SMG1: variants seen among roughly 807,000 people sequenced by gnomAD.
SMG1 encodes the protein SMG1 nonsense mediated mRNA decay associated PI3K related kinase, also known as serine/threonine-protein kinase SMG1.
A neutral mutation model predicts 419.9 loss-of-function variants in SMG1; 22 were observed. That is an observed-to-expected ratio of 0.05 (90% CI 0.04 to 0.07). SMG1 has a LOEUF of 0.07. Among genes scored for constraint, SMG1 ranks in the 10% least tolerant of loss-of-function variants. The pLI, the probability that SMG1 is intolerant of heterozygous loss-of-function variation, is 1.00. For missense variants in SMG1, 3,185 were observed against 4,342.0 expected, an observed-to-expected ratio of 0.73 and a Z score of 7.49; for synonymous variants, 1,538 against 1,553.5, an observed-to-expected ratio of 0.99 and a Z score of 0.23.
At chr16:18,887,672 T>A (rs9635475) in intron 6 of SMG1, among the ~76,000 whole-genome samples, 12 of 65,686 alleles carry the variant, frequency 1.8e-4, no homozygotes, top group South Asian at 5.4e-4. Context: ...ACTTTTTATT[T>A]AAAAAAAAAA....
In SMG1 at chr16:18,876,291, C is replaced by A; in HGVS notation, c.1723G>T (p.Ala575Ser). The A allele has an allele frequency of 6.2e-7, 1 of 1,611,672 alleles. No individual in the cohort carries two copies. Among genetic ancestry groups the A allele is most frequent in the South Asian group, 1.1e-5 (1 of 90,982 alleles). The change falls in exon 13 of 63, where the codon GCC becomes TCC. Residue 575 changes from alanine (A) to serine (S), a missense_variant. This residue lies in a region of SMG1 where 297 missense variants were observed against 491.0 expected (regional missense o/e 0.60). Transcript: ENST00000446231. ...YKLILGEMTC[A>S]LNNLLHSLQL... is the part of the protein sequence containing the mutation. ...AGACTGTGTAGGAGGTTGTTTAGGG[C>A]ACAAGTCATTTCTCCCAATATTAAC... is the stretch of plus-strand genomic sequence containing the variant.
At chr16:18,921,314 C>G (rs559988011) in intron 1 of SMG1, among the ~76,000 whole-genome samples, 2 of 151,900 alleles carry the variant, frequency 1.3e-5, no homozygotes, top group Non-Finnish European at 2.9e-5. Context: ...CCACTGCACT[C>G]CAGCCTGGAC....
At chr16:18,913,831 G>T (rs2037874158) in intron 1 of SMG1, among the ~76,000 whole-genome samples, 1 of 151,944 alleles carries the variant, frequency 6.6e-6, no homozygotes, top group South Asian at 2.1e-4. Flanking sequence ...GCATAACTTA[G>T]GAAGTTCGGT....
intron 4 of SMG1, 148 bp downstream of exon 4, chr16:18,892,067 TAAG>T: frequency 1.6e-6 from 1 of 622,136 alleles, no homozygotes; most frequent in Middle Eastern, 4.6e-4. Context: ...ATCTTGTCTT[TAAG>T]AAGAAAAAGA....
intron 54 of SMG1, 119 bp from the exon 55 acceptor site, chr16:18,828,287 G>A (rs2032902286): frequency 1.1e-6 from 1 of 911,630 alleles, no homozygotes; most frequent in Non-Finnish European, 1.6e-6. Context: ...TGCAGCCAAT[G>A]GGAGGTAAGC....
In SMG1 at chr16:18,850,080, A is replaced by G; in HGVS notation, c.5330T>C (p.Val1777Ala). Residue 1777 changes from valine (V) to alanine (A), a missense_variant, in exon 35 of 63, where the codon GTG becomes GCG. Val to Ala is a moderately conservative substitution (Grantham distance 64, BLOSUM62 0). Around this residue, in one of 27 missense-constraint regions of SMG1, gnomAD observed 493 missense variants for 552.9 expected, o/e 0.89. Transcript: ENST00000446231. The part of the protein sequence containing the change: ...DDPRLHLSHR[V>A]EQSTDDMIVM... The stretch of plus-strand genomic sequence containing the variant: ...AATCATGTCATCAGTGCTCTGTTCC[A>G]CTCTGTGACTTAAATGCAGCCTAGG... 6.2e-7 allele frequency: 1 copy of G among 1,613,938 alleles called. No individual in the cohort carries two copies. The highest frequency in any genetic ancestry group is 8.5e-7 in the Non-Finnish European group (1 of 1,179,874).
chr16:18,852,403 C>T lies in SMG1; in HGVS notation c.4828G>A (p.Val1610Ile), dbSNP rs2034652739. The change falls in exon 32 of 63, where the codon GTA becomes ATA. Residue 1610 changes from valine to isoleucine, a missense_variant. Physicochemically the swap from Val to Ile is conservative, Grantham distance 29. This residue lies in a region of SMG1 where 493 missense variants were observed against 552.9 expected (regional missense o/e 0.89). Transcript: ENST00000446231. The part of the protein sequence containing the change: ...ILGQLYHLSS[V>I]QAPEVAKSWA... ...GATTTGGCTACTTCAGGTGCCTGTA[C>T]TGAAGACAGGTGATACAACTGTCCC... 6.2e-7 allele frequency: 1 copy of T among 1,613,358 alleles called. No homozygotes were observed. The highest frequency in any genetic ancestry group is 8.5e-7 in the Non-Finnish European group (1 of 1,179,624).
intron 2 of SMG1, 121 bp from the exon 3 acceptor site, chr16:18,896,328 T>C (rs12930220): frequency 0.34 from 284,702 of 839,558 alleles, 51,236 homozygotes; most frequent in Non-Finnish European, 0.38. Context: ...TTCTCCTACC[T>C]TTTTCCTGTA....
At position 18,850,400 on chromosome 16, in the gene SMG1, A is replaced by G. The variant is rs2034522788; in HGVS notation, c.5120T>C (p.Ile1707Thr). 2.5e-6 allele frequency: 4 copies of G among 1,613,966 alleles called. No homozygotes were observed. The highest frequency in any genetic ancestry group is 3.4e-6 in the Non-Finnish European group (4 of 1,179,884). Reference sequence around the variant, plus strand: ...GCAGCTTGATATCAACTGACGCCAGATAACATCAACCATGTCATCTTCTTC... The same window carrying G: ...GCAGCTTGATATCAACTGACGCCAGGTAACATCAACCATGTCATCTTCTTC... ...DNEEDDMVDV[I>T]WRQLISSCPW... Residue 1707 changes from isoleucine (I) to threonine (T), a missense_variant, in exon 34 of 63, where the codon ATC (isoleucine) becomes ACC (threonine). Transcript: ENST00000446231.
At chr16:18,860,031 A>C (rs1478649965) in intron 26 of SMG1, among the ~76,000 whole-genome samples, 1 of 152,212 alleles carries the variant, frequency 6.6e-6, no homozygotes, top group African/African-American at 2.4e-5. Context: ...AGCCTGGCCA[A>C]GATGGTGAAA....
In SMG1 at chr16:18,853,873, G is replaced by C. The variant is rs1319840646; in HGVS notation, c.4484-6C>G. 1 of 1,602,166 alleles carries C rather than the reference G, an allele frequency of 6.2e-7. No homozygotes were observed. Among genetic ancestry groups the C allele is most frequent in the African/African-American group, 1.3e-5 (1 of 74,648 alleles). On this transcript the variant is annotated splice_polypyrimidine_tract_variant and splice_region_variant and intron_variant, in intron 30 of 62. Coordinates refer to ENST00000446231, the MANE Select transcript of SMG1 (RefSeq NM_015092.5). ...CATTGCATGTGTTGACTGGCCTACAGAAAACCACAAAGTCAGAACTTAGAA... is the reference window on the plus strand; with the variant it reads ...CATTGCATGTGTTGACTGGCCTACACAAAACCACAAAGTCAGAACTTAGAA...
chr16:18,891,949 C>T (rs1467560410), intron 4 of SMG1, among the ~76,000 whole-genome samples: 2 of 152,136 alleles, frequency 1.3e-5, no homozygotes, highest in Non-Finnish European at 2.9e-5. Flanking sequence ...TGCCTGAAGT[C>T]CCAGCTACTC....
intron 60 of SMG1, among the ~76,000 whole-genome samples, chr16:18,813,581 G>C (rs2031685051): frequency 6.6e-6 from 1 of 152,168 alleles, no homozygotes; most frequent in African/African-American, 2.4e-5. Context: ...CAGATGAGTA[G>C]ATTGCAAAAA....
intron 1 of SMG1, among the ~76,000 whole-genome samples, chr16:18,913,514 G>C (rs2037863288): frequency 1.3e-5 from 2 of 151,808 alleles, no homozygotes; most frequent in South Asian, 4.2e-4. Context: ...GAAAATGTTA[G>C]CAATGTTATC....
At chr16:18,901,943 C>CAA (rs1212860915) in intron 1 of SMG1, among the ~76,000 whole-genome samples, 5 of 102,030 alleles carry the variant, frequency 4.9e-5, no homozygotes, top group African/African-American at 1.6e-4. Flanking sequence ...AGACTATCTC[C>CAA]AAAAAAAAAA....
chr16:18,821,095 C>A (rs2032488960), intron 55 of SMG1, among the ~76,000 whole-genome samples: 1 of 151,998 alleles, frequency 6.6e-6, no homozygotes, highest in Non-Finnish European at 1.5e-5. Context: ...CAAAATAGAA[C>A]TACTTATATA....
At position 18,829,531 on chromosome 16, in the gene SMG1, G is replaced by C. The variant is rs757017242; in HGVS notation, c.9358C>G (p.Gln3120Glu). 5.0e-6 allele frequency: 8 copies of C among 1,613,970 alleles called. No homozygotes were observed. In the South Asian group the frequency reaches 6.6e-5, roughly 13 times the overall value. ...GCACCAAAGTCCTTTGCCTCTACTT[G>C]AGCAATGATGTCTACACCCAGAGCA... is the stretch of plus-strand genomic sequence containing the variant. The part of the protein sequence containing the change: ...ISALGVDIIA[Q>E]VEAKDFGAES... Residue 3120 changes from glutamine (Q) to glutamate (E), a missense_variant, in exon 54 of 63, where the codon CAA becomes GAA. Physicochemically the swap from Gln to Glu is conservative, Grantham distance 29. This residue lies in a region of SMG1 where 737 missense variants were observed against 846.6 expected (regional missense o/e 0.87). Coordinates refer to ENST00000446231, the MANE Select transcript of SMG1 (RefSeq NM_015092.5).
chr16:18,925,556 T>A, intron 1 of SMG1: 1 of 190,600 alleles, frequency 5.2e-6, no homozygotes, highest in Non-Finnish European at 1.1e-5. Flanking sequence ...GCTGAAAGAG[T>A]GGGGAACCGA....
In SMG1 at chr16:18,834,875, G is replaced by C. The variant is rs766083155; in HGVS notation, c.8330+17C>G. On this transcript the variant is annotated intron_variant, in intron 49 of 62. Coordinates refer to ENST00000446231, the MANE Select transcript of SMG1 (RefSeq NM_015092.5). ...TAAGACACAGGAAATGGTCCAATATGAAGTTGGCTAACTTACCTTGTAAGG... is the reference window on the plus strand; with the variant it reads ...TAAGACACAGGAAATGGTCCAATATCAAGTTGGCTAACTTACCTTGTAAGG... 2 of 1,608,000 alleles carry C rather than the reference G, an allele frequency of 1.2e-6. No homozygotes were observed. The highest frequency in any genetic ancestry group is 1.7e-6 in the Non-Finnish European group (2 of 1,175,562).
Sources: gnomAD v4.1 joint callset for allele counts (sites outside exome capture counted in the v4.1 genomes callset) on GRCh38, gnomAD v4.1.1 for gene constraint, gnomAD v4.1.1 regional missense constraint, MANE v1.5 for transcripts, NCBI Gene and HGNC (gene_info 2026-07-23, HGNC 2026-07-21) for gene names.